The following INSL6 variants were observed in gnomAD, a reference collection of about 807,000 sequenced individuals.
INSL6 encodes the protein insulin-like peptide INSL6.
Under a neutral mutation model 9.4 loss-of-function variants are expected in INSL6, and 16 were observed. The observed-to-expected ratio is 1.70, with a 90% CI of 1.15 to 2.59. The LOEUF is 2.59. INSL6 is among the 30% of genes most tolerant of loss of function. INSL6 has a pLI of 0.00. For synonymous variants in INSL6, 154 were observed against 96.9 expected, an observed-to-expected ratio of 1.59 and a Z score of -3.46; for missense variants, 391 against 257.3, an observed-to-expected ratio of 1.52 and a Z score of -3.56.
intron 2 of INSL6, among the ~76,000 whole-genome samples, chr9:5,155,735 CAG>C (rs1824802822): frequency 7.4e-6 from 1 of 135,834 alleles, no homozygotes; most frequent in African/African-American, 2.8e-5. Flanking sequence ...CACATGGACA[CAG>C]GGAGGGGAAC....
chr9:5,163,000 TAACATCTATATTG>T (rs936033703), downstream of INSL6, among the ~76,000 whole-genome samples: 3 of 152,232 alleles, frequency 2.0e-5, no homozygotes, highest in Admixed American at 2.0e-4. Context: ...TTTAGTATTG[TAACATCTATATTG>T]AGTTGAGATA....
the INSL6 span, among the ~76,000 whole-genome samples, chr9:5,073,263 T>TA: frequency 1.3e-5 from 2 of 152,216 alleles, no homozygotes; most frequent in Non-Finnish European, 2.9e-5. Flanking sequence ...ATGTTAAAAC[T>TA]ATGCTAGTAT....
At chr9:5,044,004 T>C in the INSL6 span, among the ~76,000 whole-genome samples, 1 of 152,352 alleles carries the variant, frequency 6.6e-6, no homozygotes, top group African/African-American at 2.4e-5. Flanking sequence ...TGTTCTTTGT[T>C]TCTCTGAAGG....
the INSL6 span, chr9:5,080,217 A>G: frequency 1.3e-6 from 2 of 1,599,114 alleles, no homozygotes; most frequent in Non-Finnish European, 1.7e-6. Flanking sequence ...CTCTGTTCGT[A>G]TCATTTAAAA....
the INSL6 span, among the ~76,000 whole-genome samples, chr9:5,015,486 G>A: frequency 2.0e-5 from 3 of 152,178 alleles, no homozygotes; most frequent in Middle Eastern, 3.4e-3. Flanking sequence ...ACAAATCAAA[G>A]CAGTAATGCT....
intron 2 of INSL6, among the ~76,000 whole-genome samples, chr9:5,154,160 A>G (rs1435231351): frequency 6.6e-6 from 1 of 152,236 alleles, no homozygotes; most frequent in Non-Finnish European, 1.5e-5. Context: ...AGCCTCAGAA[A>G]TAATACCACA....
the INSL6 span, chr9:5,099,917 C>T: frequency 9.9e-5 from 15 of 152,152 alleles, no homozygotes; most frequent in East Asian, 1.9e-4. Context: ...TGCTTTAAAA[C>T]GAAAAACTCC....
chr9:5,171,088 T>C (rs1374387626), intron 1 of INSL6, among the ~76,000 whole-genome samples: 2 of 152,118 alleles, frequency 1.3e-5, no homozygotes, highest in African/African-American at 2.4e-5. Flanking sequence ...AAATCCTCAA[T>C]AAAATACTGG....
the INSL6 span, among the ~76,000 whole-genome samples, chr9:5,107,435 T>C: frequency 6.6e-6 from 1 of 152,166 alleles, no homozygotes; most frequent in African/African-American, 2.4e-5. Context: ...GAAATCGCTC[T>C]AATACTACCC....
the INSL6 span, among the ~76,000 whole-genome samples, chr9:5,022,945 C>T: frequency 3.0e-4 from 46 of 152,246 alleles, no homozygotes; most frequent in Non-Finnish European, 5.1e-4. Flanking sequence ...ATGATTACAT[C>T]AATTTATTCT....
the INSL6 span, chr9:5,101,086 A>G: frequency 6.6e-6 from 1 of 152,344 alleles, no homozygotes; most frequent in South Asian, 2.1e-4. Flanking sequence ...GCATCACCTC[A>G]CCCAGGAAGC....
chr9:5,183,720 G>C, intron 1 of INSL6, among the ~76,000 whole-genome samples: 1 of 151,988 alleles, frequency 6.6e-6, no homozygotes, highest in East Asian at 1.9e-4. Flanking sequence ...AAGCAGAAAG[G>C]GAAGGCTCTC....
At chr9:5,086,120 C>CG in the INSL6 span, 1 of 430,968 alleles carries the variant, frequency 2.3e-6, no homozygotes, top group Non-Finnish European at 4.2e-6. Context: ...GCATCGGCAG[C>CG]GGCGCGCGGC....
At chr9:5,108,179 A>G in the INSL6 span, 4 of 152,104 alleles carry the variant, frequency 2.6e-5, no homozygotes, top group African/African-American at 9.7e-5. Flanking sequence ...TGTTCAATGA[A>G]TCACCCCCAC....
the INSL6 span, among the ~76,000 whole-genome samples, chr9:5,087,032 A>G: frequency 2.6e-5 from 4 of 152,230 alleles, no homozygotes; most frequent in Non-Finnish European, 5.9e-5. Context: ...TCAAACACTA[A>G]AAGAAAAAAA....
At chr9:5,083,533 C>T in the INSL6 span, among the ~76,000 whole-genome samples, 35,565 of 152,078 alleles carry the variant, frequency 0.23, 4,568 homozygotes, top group South Asian at 0.3. Context: ...TTTTATACAA[C>T]TTAATCACAG....
At chr9:5,117,889 T>C in the INSL6 span, among the ~76,000 whole-genome samples, 8 of 152,294 alleles carry the variant, frequency 5.3e-5, no homozygotes, top group African/African-American at 1.9e-4. Context: ...TTTATGAGGA[T>C]CTAGGCCACT....
the INSL6 span, among the ~76,000 whole-genome samples, chr9:5,025,796 T>C: frequency 6.6e-6 from 1 of 152,164 alleles, no homozygotes; most frequent in East Asian, 1.9e-4. Context: ...CCTCTCAAAG[T>C]GTGTGAGCCA....
chr9:5,176,274 G>A (rs1184568258), intron 1 of INSL6, among the ~76,000 whole-genome samples: 1 of 152,074 alleles, frequency 6.6e-6, no homozygotes, highest in East Asian at 1.9e-4. Context: ...TTCAATAATT[G>A]GTCTACCCTT....
Sources: allele counts gnomAD v4.1 joint callset (sites outside exome capture counted in the v4.1 genomes callset), GRCh38; gene constraint gnomAD v4.1.1; transcripts MANE v1.5; gene names NCBI Gene and HGNC (gene_info 2026-07-23, HGNC 2026-07-21).